GRIA3: variants seen among roughly 807,000 people sequenced by gnomAD.
The protein encoded by GRIA3 is glutamate ionotropic receptor AMPA type subunit 3.
GRIA3 carries 3 observed loss-of-function variants against 63.0 expected under a neutral mutation model. The ratio of observed to expected loss-of-function variants is 0.05; its 90% CI spans 0.02 to 0.12. The LOEUF (loss-of-function observed/expected upper bound fraction) is 0.12. Ranked by LOEUF, GRIA3 falls within the 10% of genes least tolerant of loss-of-function variation. GRIA3 has a pLI of 1.00. For synonymous variants in GRIA3, 274 were observed against 257.9 expected (o/e 1.06, Z -0.60); for missense variants, 347 against 700.9 (o/e 0.50, Z 5.70).
intron 2 of GRIA3, among the ~76,000 whole-genome samples, chrX:123,228,234 G>A (rs1443334910): frequency 1.8e-5 from 2 of 111,919 alleles, no homozygotes; most frequent in African/African-American, 6.5e-5. Context: ...CATTTCAGCT[G>A]TTCACTGTAA....
intron 3 of GRIA3, among the ~76,000 whole-genome samples, chrX:123,320,402 C>T (rs779388653): frequency 6.3e-5 from 7 of 111,978 alleles, no homozygotes; most frequent in Non-Finnish European, 1.1e-4. Context: ...GAAAGGATAA[C>T]ATGTTATGCC....
intron 3 of GRIA3, among the ~76,000 whole-genome samples, chrX:123,297,014 T>C (rs987629237): frequency 9.0e-6 from 1 of 111,500 alleles, no homozygotes; most frequent in Admixed American, 9.5e-5. Context: ...TATTCAAGCA[T>C]GCCTCTCCCA....
At chrX:123,476,046 T>G (rs1039059748) in intron 13 of GRIA3, among the ~76,000 whole-genome samples, 59 of 111,574 alleles carry the variant, frequency 5.3e-4, no homozygotes, top group Non-Finnish European at 7.5e-5. Flanking sequence ...TGAACAATAA[T>G]TATAATCATA....
At chrX:123,441,131 G>T (rs970274763) in intron 12 of GRIA3, among the ~76,000 whole-genome samples, 4 of 111,597 alleles carry the variant, frequency 3.6e-5, no homozygotes, top group Admixed American at 9.6e-5. Flanking sequence ...AGGGAGAAAA[G>T]AATTCAAAAA....
intron 11 of GRIA3, among the ~76,000 whole-genome samples, chrX:123,427,706 A>G (rs1489374496): frequency 2.7e-5 from 3 of 110,636 alleles, no homozygotes; most frequent in Admixed American, 9.6e-5. Context: ...CTGCTTTGAA[A>G]CGTGTATAGG....
intron 4 of GRIA3, among the ~76,000 whole-genome samples, chrX:123,353,749 T>C (rs1048743079): frequency 2.7e-5 from 3 of 111,363 alleles, no homozygotes; most frequent in African/African-American, 9.8e-5. Context: ...GATCCTAAAA[T>C]TGCATTAGCT....
chrX:123,444,957 GGA>G (rs1192579837), intron 12 of GRIA3, among the ~76,000 whole-genome samples: 3 of 111,203 alleles, frequency 2.7e-5, no homozygotes, highest in African/African-American at 9.8e-5. Context: ...GGTGGCGATA[GGA>G]GAGTTCCAAT....
intron 5 of GRIA3, among the ~76,000 whole-genome samples, chrX:123,378,523 G>A (rs778194897): frequency 9.2e-6 from 1 of 108,449 alleles, no homozygotes; most frequent in Admixed American, 1.0e-4. Flanking sequence ...CTATTCTTGT[G>A]CCTCAGCCTC....
chrX:123,389,989 A>G (rs1410339834), intron 5 of GRIA3, among the ~76,000 whole-genome samples: 1 of 112,117 alleles, frequency 8.9e-6, no homozygotes, highest in Non-Finnish European at 1.9e-5. Flanking sequence ...TACAGGCATG[A>G]GCCACCGCGC....
At chrX:123,239,053 G>A (rs1177848844) in intron 2 of GRIA3, among the ~76,000 whole-genome samples, 1 of 110,793 alleles carries the variant, frequency 9.0e-6, no homozygotes, top group Non-Finnish European at 1.9e-5. Context: ...TACATTAGAG[G>A]CTGATTGAAC....
At chrX:123,349,993 T>C (rs1383022634) in intron 4 of GRIA3, among the ~76,000 whole-genome samples, 1 of 111,056 alleles carries the variant, frequency 9.0e-6, no homozygotes, top group African/African-American at 3.3e-5. Flanking sequence ...TAGGATGCCA[T>C]AGGACAACAG....
At chrX:123,234,917 A>T (rs2147272375) in intron 2 of GRIA3, among the ~76,000 whole-genome samples, 1 of 111,569 alleles carries the variant, frequency 9.0e-6, no homozygotes, top group Non-Finnish European at 1.9e-5. Context: ...TTGGTCCTTT[A>T]TCTTCTCTTT....
chrX:123,327,461 C>G (rs770764722), intron 4 of GRIA3, among the ~76,000 whole-genome samples: 1 of 111,348 alleles, frequency 9.0e-6, no homozygotes, highest in East Asian at 2.8e-4. Context: ...TACCTAGGGG[C>G]CAAAACAGCT....
In GRIA3 at chrX:123,236,493, G is replaced by A. The variant is rs2044302515; in HGVS notation, c.269-16810G>A. 2.7e-5 allele frequency among the ~76,000 whole-genome samples: 3 copies of A among 111,233 alleles called. No homozygotes were observed. The Admixed American group carries it at 2.9e-4, about 11-fold the overall frequency. ...TTAAATACTCATAATTAACTAATTGGTGGTACAGTTGGCTGCTTTTCCCCC... is the reference window on the plus strand; with the variant it reads ...TTAAATACTCATAATTAACTAATTGATGGTACAGTTGGCTGCTTTTCCCCC... On this transcript the variant is annotated intron_variant, in intron 2 of 15. Coordinates refer to ENST00000620443, the MANE Select transcript of GRIA3 (RefSeq NM_007325.5).
At chrX:123,211,514 G>C (rs1348640116) in intron 2 of GRIA3, among the ~76,000 whole-genome samples, 1 of 111,825 alleles carries the variant, frequency 8.9e-6, no homozygotes, top group Non-Finnish European at 1.9e-5. Context: ...TCCTTTAGCT[G>C]CTCCCAATGC....
intron 3 of GRIA3, among the ~76,000 whole-genome samples, chrX:123,296,410 C>G (rs974922273): frequency 9.0e-6 from 1 of 110,715 alleles, no homozygotes; most frequent in African/African-American, 3.3e-5. Context: ...TCTTCTTCCC[C>G]CTCCTGTTAC....
intron 9 of GRIA3, 78 bp from the exon 10 acceptor site, chrX:123,404,630 G>A: frequency 1.4e-6 from 1 of 735,550 alleles, no homozygotes; most frequent in Non-Finnish European, 2.1e-6. Context: ...TAGTCACAGA[G>A]GGGAAAAATT....
At chrX:123,250,019 T>C (rs996849929) in intron 2 of GRIA3, among the ~76,000 whole-genome samples, 7 of 111,959 alleles carry the variant, frequency 6.3e-5, no homozygotes, top group Non-Finnish European at 1.3e-4. Context: ...GATATAAAGC[T>C]TTAAAACAAG....
At chrX:123,453,990 A>G (rs1411854386) in intron 12 of GRIA3, among the ~76,000 whole-genome samples, 1 of 111,857 alleles carries the variant, frequency 8.9e-6, no homozygotes, top group Non-Finnish European at 1.9e-5. Context: ...AAATAAGGAG[A>G]AAAAAATAAT....
Sources: gnomAD v4.1 joint callset for allele counts (sites outside exome capture counted in the v4.1 genomes callset) on GRCh38, gnomAD v4.1.1 for gene constraint, MANE v1.5 for transcripts, NCBI Gene and HGNC (gene_info 2026-07-23, HGNC 2026-07-21) for gene names.